MRPS9: variants seen among roughly 807,000 people sequenced by gnomAD.
The protein encoded by MRPS9 is mitochondrial ribosomal protein S9, also known as small ribosomal subunit protein uS9m.
MRPS9 carries 45 observed loss-of-function variants against 59.9 expected under a neutral mutation model. The observed-to-expected ratio is 0.75, with a 90% CI of 0.59 to 0.96. The LOEUF is 0.96. Among genes scored for constraint, MRPS9 ranks in the 40% least tolerant of loss-of-function variants. MRPS9 has a pLI of 0.00. For missense variants in MRPS9, 473 were observed against 481.1 expected, an observed-to-expected ratio of 0.98 and a Z score of 0.16; for synonymous variants, 171 against 166.8, an observed-to-expected ratio of 1.03 and a Z score of -0.19.
At chr2:105,067,554 C>T (rs187883450) in intron 2 of MRPS9, among the ~76,000 whole-genome samples, 1 of 152,146 alleles carries the variant, frequency 6.6e-6, no homozygotes, top group Admixed American at 6.5e-5. Flanking sequence ...TGAGTTCATG[C>T]GAATTTTCCA....
intron 8 of MRPS9, 99 bp downstream of exon 8, chr2:105,092,668 A>C: frequency 8.9e-7 from 1 of 1,122,832 alleles, no homozygotes; most frequent in Non-Finnish European, 1.2e-6. Flanking sequence ...TAGATTTTTT[A>C]TTTGTTTATT....
At chr2:105,084,247 A>AAAAAATATATATATATAT (rs1553443276) in intron 5 of MRPS9, among the ~76,000 whole-genome samples, 2 of 139,594 alleles carry the variant, frequency 1.4e-5, no homozygotes, top group African/African-American at 5.2e-5. Context: ...TATATACCAA[A>AAAAAATATATATATATAT]ATATATATAT....
intron 9 of MRPS9, among the ~76,000 whole-genome samples, chr2:105,095,688 C>T (rs368164678): frequency 7.9e-5 from 12 of 151,642 alleles, no homozygotes; most frequent in African/African-American, 2.9e-4. Flanking sequence ...GTAGAGACGG[C>T]GTTTCTCCAT....
rs532538832 is a variant in MRPS9 at position 105,058,134 on chromosome 2, T to C, written c.315+8784T>C. Among the ~76,000 whole-genome samples, 14 of 152,332 alleles carry C rather than the reference T, an allele frequency of 9.2e-5. No individual in the cohort carries two copies. In the South Asian group the frequency reaches 2.1e-3, roughly 23 times the overall value. ...ACAATATTTCATAATTTGTGCTCACTTCTAATGAACAGAGTCGTTAGGACA... is the reference window on the plus strand; with the variant it reads ...ACAATATTTCATAATTTGTGCTCACCTCTAATGAACAGAGTCGTTAGGACA... On this transcript the variant is annotated intron_variant, in intron 2 of 10. Transcript: ENST00000258455.
intron 2 of MRPS9, among the ~76,000 whole-genome samples, chr2:105,055,908 T>C (rs989573196): frequency 1.1e-4 from 16 of 152,240 alleles, no homozygotes; most frequent in Admixed American, 6.5e-5. Flanking sequence ...GCAATTGCTG[T>C]TACATATTTA....
chr2:105,088,900 G>T, intron 5 of MRPS9, 84 bp from the exon 6 acceptor site: 1 of 919,214 alleles, frequency 1.1e-6, no homozygotes, highest in Non-Finnish European at 1.6e-6. Flanking sequence ...AGTACTTACA[G>T]GAGAAAACTA....
At chr2:105,062,463 C>T (rs1247548623) in intron 2 of MRPS9, among the ~76,000 whole-genome samples, 2 of 152,174 alleles carry the variant, frequency 1.3e-5, no homozygotes, top group East Asian at 3.9e-4. Flanking sequence ...CTTTTCACTT[C>T]ACAGGAGATA....
At chr2:105,093,396 A>T (rs1680598102) in intron 8 of MRPS9, 134 bp from the exon 9 acceptor site, 2 of 444,262 alleles carry the variant, frequency 4.5e-6, no homozygotes, top group Non-Finnish European at 8.1e-6. Flanking sequence ...GTTTGACTTG[A>T]AATAATAGTT....
At chr2:105,066,646 A>T (rs551143139) in intron 2 of MRPS9, among the ~76,000 whole-genome samples, 12 of 151,972 alleles carry the variant, frequency 7.9e-5, no homozygotes, top group Non-Finnish European at 1.6e-4. Flanking sequence ...AACTCAGTTG[A>T]ATTGTCTCCT....
At chr2:105,087,949 A>T (rs1207004434) in intron 5 of MRPS9, among the ~76,000 whole-genome samples, 1 of 152,124 alleles carries the variant, frequency 6.6e-6, no homozygotes, top group African/African-American at 2.4e-5. Flanking sequence ...CTTTATCAGC[A>T]ACATTATGTG....
chr2:105,087,746 A>G (rs1680476175), intron 5 of MRPS9, among the ~76,000 whole-genome samples: 1 of 151,990 alleles, frequency 6.6e-6, no homozygotes. Context: ...CTATGTTACA[A>G]AAATTCAAAG....
chr2:105,042,790 TATA>T (rs1373010453), intron 1 of MRPS9, among the ~76,000 whole-genome samples: 2 of 152,260 alleles, frequency 1.3e-5, no homozygotes, highest in South Asian at 2.1e-4. Flanking sequence ...GAGCCTGGTC[TATA>T]ATAATTGCTC....
chr2:105,053,289 G>A (rs1361276090), intron 2 of MRPS9, among the ~76,000 whole-genome samples: 1 of 152,102 alleles, frequency 6.6e-6, no homozygotes, highest in East Asian at 1.9e-4. Context: ...AATTTATATA[G>A]AGTAGCTATG....
Position 105,092,573 on chromosome 2 carries a change from A to C in MRPS9, c.820+4A>C. On this transcript the variant is annotated splice_donor_region_variant and intron_variant, in intron 8 of 10. Transcript: ENST00000258455. ...ATGGCCTTTAGCAAAAGTGAAGGTA[A>C]TGACATTCTGTGGAGAGAAAATAAA... is the stretch of plus-strand genomic sequence containing the variant. 6.5e-7 allele frequency: 1 copy of C among 1,550,348 alleles called. No homozygotes were observed. The highest frequency in any genetic ancestry group is 8.7e-7 in the Non-Finnish European group (1 of 1,149,046).
At chr2:105,055,513 G>A (rs1002627222) in intron 2 of MRPS9, among the ~76,000 whole-genome samples, 29 of 119,844 alleles carry the variant, frequency 2.4e-4, no homozygotes, top group Non-Finnish European at 4.4e-4. Context: ...TAAATATAGC[G>A]GGCCCCTTTT....
chr2:105,061,262 GC>G (rs1341690227), intron 2 of MRPS9, among the ~76,000 whole-genome samples: 1 of 152,164 alleles, frequency 6.6e-6, no homozygotes, highest in African/African-American at 2.4e-5. Flanking sequence ...GTGGCACTGA[GC>G]TGGTTTTGCG....
At chr2:105,077,113 C>T (rs538006697) in intron 4 of MRPS9, among the ~76,000 whole-genome samples, 11 of 151,972 alleles carry the variant, frequency 7.2e-5, no homozygotes, top group Admixed American at 1.3e-4. Flanking sequence ...GGCGTGGTGG[C>T]GCACGCCTGT....
chr2:105,096,108 A>T (rs912057581), intron 9 of MRPS9, among the ~76,000 whole-genome samples: 2 of 152,156 alleles, frequency 1.3e-5, no homozygotes, highest in African/African-American at 4.8e-5. Flanking sequence ...TGTAGGAGTT[A>T]TGTCATCCCT....
intron 7 of MRPS9, 35 bp from the exon 8 acceptor site, chr2:105,092,366 A>G: frequency 6.4e-7 from 1 of 1,552,418 alleles, no homozygotes; most frequent in Non-Finnish European, 8.7e-7. Flanking sequence ...ATGCAATTAC[A>G]CTTGCACCTT....
Sources: gnomAD v4.1 joint callset for allele counts (sites outside exome capture counted in the v4.1 genomes callset) on GRCh38, gnomAD v4.1.1 for gene constraint, MANE v1.5 for transcripts, NCBI Gene and HGNC (gene_info 2026-07-23, HGNC 2026-07-21) for gene names.